The following ZNF367 variants were observed in gnomAD, a reference collection of about 807,000 sequenced individuals.
The protein encoded by ZNF367 is C2H2 zinc finger protein ZFF29.
A neutral mutation model predicts 31.8 loss-of-function variants in ZNF367; 11 were observed. The ratio of observed to expected loss-of-function variants is 0.35; its 90% CI spans 0.22 to 0.57. The LOEUF is 0.57. Among genes scored for constraint, ZNF367 ranks in the 20% least tolerant of loss-of-function variants. The pLI is 0.85. For missense variants in ZNF367, 353 were observed against 484.1 expected, an observed-to-expected ratio of 0.73 and a Z score of 2.54; for synonymous variants, 199 against 202.4, an observed-to-expected ratio of 0.98 and a Z score of 0.14.
At position 96,418,143 on chromosome 9, in the gene ZNF367, A is replaced by C. The variant is rs181630993; in HGVS notation, c.-111T>G. On this transcript the variant is annotated 5_prime_UTR_variant, in exon 1 of 5. Coordinates refer to ENST00000375256, the MANE Select transcript of ZNF367 (RefSeq NM_153695.4). ...AGGCTCAGTCCTGCCGGCTCATGGC[A>C]GACTGACGTTTCCCGGAATCCTGCG... 1.2e-4 allele frequency: 148 copies of C among 1,258,636 alleles called. 1 individual carries two copies. Among genetic ancestry groups the C allele is most frequent in the African/African-American group, 1.1e-3 (68 of 64,456 alleles). The allele number at this position is 1,258,636 out of a possible 1,614,324, so 78.0% of individuals were successfully genotyped here. A position where few individuals can be genotyped will look rare whatever the true frequency, so the allele number is the denominator to read the frequency against.
chr9:96,400,130 G>C (rs79817292), intron 1 of ZNF367, among the ~76,000 whole-genome samples: 2,133 of 152,212 alleles, frequency 0.014, 47 homozygotes, highest in African/African-American at 0.048. Flanking sequence ...GGACTTACTA[G>C]ACAAAGATTT....
chr9:96,409,008 C>T (rs1398824892), intron 1 of ZNF367, among the ~76,000 whole-genome samples: 1 of 152,148 alleles, frequency 6.6e-6, no homozygotes, highest in Non-Finnish European at 1.5e-5. Context: ...AAGACAGATC[C>T]CTCATGAACA....
At chr9:96,415,467 G>A (rs1406504997) in intron 1 of ZNF367, among the ~76,000 whole-genome samples, 19 of 112,816 alleles carry the variant, frequency 1.7e-4, no homozygotes, top group Non-Finnish European at 2.6e-4. Flanking sequence ...CGCTTCTATC[G>A]TTAGTTTCTT....
chr9:96,417,775 G>C lies in ZNF367; in HGVS notation c.258C>G (p.Ala86=). ...NAHNVTLSPG[A]AGAAASAALP... ...GGGCGGCCGAGGCGGCGGCCCCCGCGGCCCCAGGGCTGAGCGTCACGTTGT... is the reference window on the plus strand; with the variant it reads ...GGGCGGCCGAGGCGGCGGCCCCCGCCGCCCCAGGGCTGAGCGTCACGTTGT... Residue 86 remains alanine, a synonymous_variant, in exon 1 of 5, where the codon GCC becomes GCG. Transcript: ENST00000375256. This position sits in a 1 kb window ranked among gnomAD's most constrained non-coding sequence, Gnocchi z 5.0. 8.8e-6 allele frequency: 11 copies of C among 1,245,810 alleles called. No individual in the cohort carries two copies. Among genetic ancestry groups the C allele is most frequent in the Non-Finnish European group, 8.1e-6 (8 of 993,132 alleles). The allele number at this position is 1,245,810 out of a possible 1,614,324, so 77.2% of individuals were successfully genotyped here. A position where few individuals can be genotyped will look rare whatever the true frequency, so the allele number is the denominator to read the frequency against.
At chr9:96,398,392 C>CA in intron 1 of ZNF367, 78 bp from the exon 2 acceptor site, 2 of 1,370,808 alleles carry the variant, frequency 1.5e-6, no homozygotes, top group Non-Finnish European at 2.0e-6. Context: ...ATATAACTTT[C>CA]AAAAATCTTT....
intron 1 of ZNF367, among the ~76,000 whole-genome samples, chr9:96,412,948 T>C (rs1831769963): frequency 6.6e-6 from 1 of 152,192 alleles, no homozygotes; most frequent in African/African-American, 2.4e-5. Context: ...TCCATCCACC[T>C]TGGCCTCTCA....
rs572068274 is a variant in ZNF367, at chr9:96,411,163, G to A, written c.420+6450C>T. 3.7e-5 allele frequency among the ~76,000 whole-genome samples: 5 copies of A among 133,988 alleles called. No individual in the cohort carries two copies. In the South Asian group the frequency reaches 8.6e-4, roughly 23 times the overall value. 87.9% of individuals were successfully genotyped at this position (133,988 alleles called of 152,430 possible). ...TGCGCCACTGTACTCCAGCCTGGGC[G>A]ACAGAGACCTTGTCTCAAAACAAAC... On this transcript the variant is annotated intron_variant, in intron 1 of 4. Transcript: ENST00000375256.
chr9:96,395,477 A>C (rs1246916135), intron 2 of ZNF367, among the ~76,000 whole-genome samples: 1 of 152,172 alleles, frequency 6.6e-6, no homozygotes, highest in African/African-American at 2.4e-5. Flanking sequence ...TGGTCCTCTA[A>C]GATCGGCACT....
intron 2 of ZNF367, among the ~76,000 whole-genome samples, chr9:96,395,941 C>G (rs1831524894): frequency 6.6e-6 from 1 of 152,068 alleles, no homozygotes; most frequent in Non-Finnish European, 1.5e-5. Context: ...CAGTATAACT[C>G]AAAGAATAAC....
intron 2 of ZNF367, 99 bp from the exon 3 acceptor site, chr9:96,395,041 A>G (rs984301351): frequency 5.2e-6 from 7 of 1,336,752 alleles, no homozygotes; most frequent in South Asian, 3.8e-5. Context: ...ATGACTCCCA[A>G]TAACAATAAA....
At chr9:96,400,481 A>G (rs1276941072) in intron 1 of ZNF367, among the ~76,000 whole-genome samples, 1 of 151,884 alleles carries the variant, frequency 6.6e-6, no homozygotes, top group African/African-American at 2.4e-5. Context: ...GAAAACCAAC[A>G]AAGAGACAGA....
intron 1 of ZNF367, among the ~76,000 whole-genome samples, chr9:96,405,314 CAAAAAAAAAAA>C (rs975848691): frequency 1.8e-5 from 1 of 55,146 alleles, no homozygotes; most frequent in African/African-American, 6.7e-5. Flanking sequence ...AACTCTGTCT[CAAAAAAAAAAA>C]AAAAAAAAAA....
chr9:96,393,641 G>C (rs1421110081), intron 3 of ZNF367, among the ~76,000 whole-genome samples: 5 of 152,178 alleles, frequency 3.3e-5, no homozygotes, highest in African/African-American at 1.2e-4. Flanking sequence ...AGACCAGCCT[G>C]ACCAACATGG....
At chr9:96,407,459 T>C in intron 1 of ZNF367, 1 of 1,365,586 alleles carries the variant, frequency 7.3e-7, no homozygotes, top group Non-Finnish European at 1.0e-6. Flanking sequence ...GCTGAGAAAA[T>C]ATAAATGAAA....
In ZNF367 at chr9:96,408,798, G is replaced by A. The variant is rs569332778; in HGVS notation, c.420+8815C>T. Among the ~76,000 whole-genome samples, 95 of 152,282 alleles carry A rather than the reference G, an allele frequency of 6.2e-4. 2 individuals carry two copies. In the South Asian group the frequency reaches 0.019, roughly 31 times the overall value. On this transcript the variant is annotated intron_variant, in intron 1 of 4. Coordinates refer to ENST00000375256, the MANE Select transcript of ZNF367 (RefSeq NM_153695.4). ...TTTTTAAAATGTCAGAAGGCACTGTGGCAGATATTATTGCAAAAACATTCA... is the reference window on the plus strand; with the variant it reads ...TTTTTAAAATGTCAGAAGGCACTGTAGCAGATATTATTGCAAAAACATTCA...
chr9:96,416,067 T>C (rs988282099), intron 1 of ZNF367, among the ~76,000 whole-genome samples: 9 of 150,616 alleles, frequency 6.0e-5, no homozygotes, highest in African/African-American at 2.2e-4. Context: ...CCAGGCTCTG[T>C]TATGGTTTTT....
chr9:96,393,700 G>T (rs1429680226), intron 3 of ZNF367, among the ~76,000 whole-genome samples: 1 of 149,814 alleles, frequency 6.7e-6, no homozygotes, highest in Admixed American at 6.7e-5. Flanking sequence ...GTATGGTCGC[G>T]TATGCCTGTA....
chr9:96,398,120 A>G lies in ZNF367; in HGVS notation c.571+44T>C. On this transcript the variant is annotated intron_variant, in intron 2 of 4. Transcript: ENST00000375256. ...AAAAAAAAAAAAAAAAAAAAAAAAA[A>G]AAGTGTTACTTCTGGCAGTCTCTAT... 4.8e-6 allele frequency: 3 copies of G among 619,472 alleles called. 1 individual carries two copies. Among genetic ancestry groups the G allele is most frequent in the Non-Finnish European group, 7.1e-6 (3 of 424,900 alleles). 38.4% of individuals were successfully genotyped at this position (619,472 alleles called of 1,614,324 possible). A position where few individuals can be genotyped will look rare whatever the true frequency, so the allele number is the denominator to read the frequency against.
In ZNF367 at chr9:96,388,256, C is replaced by T; in HGVS notation, c.1034G>A (p.Gly345Glu). The T allele has an allele frequency of 1.9e-6, 3 of 1,611,354 alleles. No homozygotes were observed. The highest frequency in any genetic ancestry group is 2.5e-6 in the Non-Finnish European group (3 of 1,179,684). ...LALIELANLTGAPLRQ is the reference protein window; with the variant it reads ...LALIELANLTEAPLRQ Reference sequence around the variant, plus strand: ...TCCAAGCTACTGTCGGAGTGGCGCCCCAGTCAGGTTGGCAAGCTCTATGAG... The same window carrying T: ...TCCAAGCTACTGTCGGAGTGGCGCCTCAGTCAGGTTGGCAAGCTCTATGAG... Residue 345 changes from glycine to glutamate, a missense_variant, in exon 5 of 5, where the codon GGG (glycine) becomes GAG (glutamate). Transcript: ENST00000375256.
Sources: allele counts gnomAD v4.1 joint callset (sites outside exome capture counted in the v4.1 genomes callset), GRCh38; gene constraint gnomAD v4.1.1; non-coding constraint Gnocchi (gnomAD v3.1); transcripts MANE v1.5; gene names NCBI Gene and HGNC (gene_info 2026-07-23, HGNC 2026-07-21).